CAPN14: variants seen among roughly 807,000 people sequenced by gnomAD.
The protein encoded by CAPN14 is calpain 14.
CAPN14 carries 94 observed loss-of-function variants against 101.3 expected under a neutral mutation model. The ratio of observed to expected loss-of-function variants is 0.93; its 90% CI spans 0.79 to 1.10. The LOEUF (loss-of-function observed/expected upper bound fraction) is 1.10, where lower values mean the gene tolerates loss of function less well. CAPN14 is among the 50% of genes least tolerant of loss of function. The probability of loss-of-function intolerance (pLI) is 0.00; values close to 1 mark genes in which losing one functional copy is unlikely to be tolerated. For synonymous variants in CAPN14, 338 were observed against 317.9 expected (o/e 1.06, Z -0.67); for missense variants, 837 against 828.4 (o/e 1.01, Z -0.13).
chr2:31,183,815 CCTCT>C (rs1260463524), intron 16 of CAPN14, among the ~76,000 whole-genome samples: 1 of 151,224 alleles, frequency 6.6e-6, no homozygotes, highest in Non-Finnish European at 1.5e-5. Flanking sequence ...TTCTTCCCTC[CCTCT>C]CTCCCTCCCT....
intron 21 of CAPN14, among the ~76,000 whole-genome samples, chr2:31,175,763 A>C (rs1226138451): frequency 6.6e-6 from 1 of 152,202 alleles, no homozygotes; most frequent in Non-Finnish European, 1.5e-5. Flanking sequence ...AGATCAAGAA[A>C]AACATTCCAG....
chr2:31,220,399 T>C (rs1682825938), upstream of CAPN14, among the ~76,000 whole-genome samples: 1 of 152,150 alleles, frequency 6.6e-6, no homozygotes, highest in Non-Finnish European at 1.5e-5. Context: ...AACCATTGAT[T>C]CTCCCTTTGC....
intron 17 of CAPN14, among the ~76,000 whole-genome samples, chr2:31,178,796 C>A (rs898447944): frequency 1.8e-4 from 28 of 152,048 alleles, no homozygotes; most frequent in African/African-American, 6.8e-4. Context: ...CAGAGCACAG[C>A]AGCACTGGGA....
intron 16 of CAPN14, among the ~76,000 whole-genome samples, chr2:31,185,944 A>G (rs552741136): frequency 1.3e-5 from 2 of 152,290 alleles, no homozygotes; most frequent in South Asian, 4.2e-4. Flanking sequence ...CCCAGGCTTC[A>G]TATGAAAGCC....
rs541693476 is a variant in CAPN14, at chr2:31,203,850, T to C, written c.226-711A>G. On this transcript the variant is annotated intron_variant, in intron 2 of 21. Transcript: ENST00000403897. ...TGTGGCACAGGCTTACACTTTACCC[T>C]GTTCACTAGCTGTGTTCCTGAAATC... Among the ~76,000 whole-genome samples, 52 of 152,318 alleles carry C rather than the reference T, an allele frequency of 3.4e-4. 1 individual carries two copies. The South Asian group carries it at 4.8e-3, about 14-fold the overall frequency.
upstream of CAPN14, among the ~76,000 whole-genome samples, chr2:31,217,895 A>T (rs76608000): frequency 2.6e-5 from 4 of 152,280 alleles, no homozygotes; most frequent in African/African-American, 9.6e-5. Context: ...GTACATCCCT[A>T]TGTTTAAACT....
At chr2:31,182,942 A>G (rs1391227346) in intron 16 of CAPN14, among the ~76,000 whole-genome samples, 39 of 152,024 alleles carry the variant, frequency 2.6e-4, no homozygotes, top group Admixed American at 2.5e-3. Context: ...ACTATACTAC[A>G]AGGCTACAGT....
intron 2 of CAPN14, among the ~76,000 whole-genome samples, chr2:31,226,228 G>C (rs935654282): frequency 1.3e-5 from 2 of 152,102 alleles, no homozygotes; most frequent in African/African-American, 4.8e-5. Flanking sequence ...ACCCCACTTT[G>C]TCTGCCTGTG....
chr2:31,191,744 A>T (rs1467727754), intron 11 of CAPN14, among the ~76,000 whole-genome samples, 191 bp downstream of exon 11: 2 of 152,256 alleles, frequency 1.3e-5, no homozygotes, highest in Non-Finnish European at 2.9e-5. Context: ...ATCATTGTAG[A>T]AACTGATGGC....
At chr2:31,197,714 C>G (rs192814362) in intron 7 of CAPN14, among the ~76,000 whole-genome samples, 3 of 152,144 alleles carry the variant, frequency 2.0e-5, no homozygotes, top group African/African-American at 7.2e-5. Flanking sequence ...AATTATGGAT[C>G]AGGGTGGGCC....
At chr2:31,183,695 T>C (rs1680764345) in intron 16 of CAPN14, among the ~76,000 whole-genome samples, 1 of 152,152 alleles carries the variant, frequency 6.6e-6, no homozygotes, top group Non-Finnish European at 1.5e-5. Context: ...CAACAGGTGC[T>C]GGAGAGGATG....
intron 16 of CAPN14, among the ~76,000 whole-genome samples, chr2:31,185,603 G>T (rs1680863790): frequency 6.6e-6 from 1 of 152,210 alleles, no homozygotes; most frequent in African/African-American, 2.4e-5. Flanking sequence ...CCGGGAAGGG[G>T]AGTCTTACGT....
intron 14 of CAPN14, 59 bp from the exon 15 acceptor site, chr2:31,187,873 G>A: frequency 7.5e-7 from 1 of 1,330,102 alleles, no homozygotes; most frequent in Non-Finnish European, 1.1e-6. Flanking sequence ...GGACTTTCGT[G>A]CACACCCTAA....
In CAPN14 at chr2:31,174,643, GC is replaced by G. The variant is rs1558606812; in HGVS notation, c.*37del. On this transcript the variant is annotated 3_prime_UTR_variant, in exon 22 of 22. Coordinates refer to ENST00000403897, the MANE Select transcript of CAPN14 (RefSeq NM_001145122.2). Reference sequence around the variant, plus strand: ...GCCAAAGGCTGCTCTTGGGCCACATGCAGAGTCTTCAGTGAGGGCAGGTGAG... The same window carrying G: ...GCCAAAGGCTGCTCTTGGGCCACATGAGAGTCTTCAGTGAGGGCAGGTGAG... 1.9e-6 allele frequency: 3 copies of G among 1,550,366 alleles called. No homozygotes were observed. Among genetic ancestry groups the G allele is most frequent in the Non-Finnish European group, 2.6e-6 (3 of 1,146,184 alleles).
intron 3 of CAPN14, among the ~76,000 whole-genome samples, 200 bp downstream of exon 3, chr2:31,202,870 G>A (rs965029440): frequency 3.9e-5 from 6 of 152,132 alleles, no homozygotes; most frequent in African/African-American, 1.2e-4. Flanking sequence ...GCATTCCCAC[G>A]CATCCCCAGA....
intron 1 of CAPN14, among the ~76,000 whole-genome samples, chr2:31,232,507 T>C (rs753806532): frequency 1.4e-4 from 22 of 152,324 alleles, no homozygotes; most frequent in East Asian, 9.6e-4. Context: ...AAGGTTTAAT[T>C]AACTCACAGT....
chr2:31,229,732 T>C (rs1224079130), intron 1 of CAPN14, among the ~76,000 whole-genome samples: 3 of 147,108 alleles, frequency 2.0e-5, no homozygotes, highest in Non-Finnish European at 4.5e-5. Flanking sequence ...AGTGTATATA[T>C]AGTATATAGC....
upstream of CAPN14, among the ~76,000 whole-genome samples, chr2:31,221,089 T>TA (rs1426753868): frequency 3.3e-5 from 5 of 152,224 alleles, no homozygotes; most frequent in South Asian, 6.2e-4. Context: ...CCTAAGTTAT[T>TA]AAATCCTTCA....
intron 3 of CAPN14, 89 bp downstream of exon 3, chr2:31,202,980 TG>T: frequency 8.9e-7 from 1 of 1,129,740 alleles, no homozygotes; most frequent in Non-Finnish European, 1.3e-6. Context: ...TGGGGATCTC[TG>T]GCTTCTCTTC....
Sources: allele counts gnomAD v4.1 joint callset (sites outside exome capture counted in the v4.1 genomes callset), GRCh38; gene constraint gnomAD v4.1.1; transcripts MANE v1.5; gene names NCBI Gene and HGNC (gene_info 2026-07-23, HGNC 2026-07-21).